RAB38: variants seen among roughly 807,000 people sequenced by gnomAD.
RAB38 encodes the protein ras-related protein Rab-38.
Under a neutral mutation model 18.4 loss-of-function variants are expected in RAB38, and 15 were observed. That is an observed-to-expected ratio of 0.82 (90% CI 0.55 to 1.26). The LOEUF is 1.26. RAB38 is among the 50% of genes most tolerant of loss of function. The probability of loss-of-function intolerance (pLI) is 0.00; values close to 1 mark genes in which losing one functional copy is unlikely to be tolerated. For synonymous variants in RAB38, 101 were observed against 104.4 expected (o/e 0.97, Z 0.20); for missense variants, 294 against 267.4 (o/e 1.10, Z -0.69).
At chr11:88,056,728 T>C in the RAB38 span, among the ~76,000 whole-genome samples, 1 of 151,882 alleles carries the variant, frequency 6.6e-6, no homozygotes, top group Non-Finnish European at 1.5e-5. Flanking sequence ...GGCGTGAACA[T>C]GGAAGGCGGA....
At chr11:87,912,811 A>G in the RAB38 span, among the ~76,000 whole-genome samples, 4 of 29,990 alleles carry the variant, frequency 1.3e-4, no homozygotes, top group African/African-American at 3.1e-4. Context: ...TTTTTCTTTT[A>G]TACTAAACAT....
the RAB38 span, among the ~76,000 whole-genome samples, chr11:87,898,391 C>A: frequency 6.6e-6 from 1 of 151,662 alleles, no homozygotes; most frequent in East Asian, 2.0e-4. Flanking sequence ...GAGCCACTTT[C>A]CATGAATCTT....
chr11:87,892,271 A>G, the RAB38 span, among the ~76,000 whole-genome samples: 1 of 151,778 alleles, frequency 6.6e-6, no homozygotes, highest in Non-Finnish European at 1.5e-5. Flanking sequence ...TTACTTTTCT[A>G]TTTCCTTGGT....
At chr11:88,146,074 T>C (rs1942981400) in intron 2 of RAB38, among the ~76,000 whole-genome samples, 1 of 152,222 alleles carries the variant, frequency 6.6e-6, no homozygotes, top group African/African-American at 2.4e-5. Flanking sequence ...TATTTAATTT[T>C]TATTTTTTCT....
chr11:88,007,851 T>C, the RAB38 span, among the ~76,000 whole-genome samples: 1 of 152,032 alleles, frequency 6.6e-6, no homozygotes, highest in African/African-American at 2.4e-5. Context: ...ATGTATCAAC[T>C]GGAAAAATAG....
chr11:87,953,359 T>C, the RAB38 span, among the ~76,000 whole-genome samples: 1 of 152,180 alleles, frequency 6.6e-6, no homozygotes, highest in Non-Finnish European at 1.5e-5. Flanking sequence ...TCTTTCCAGC[T>C]TTTTAGTCAT....
At chr11:88,029,942 C>T in the RAB38 span, among the ~76,000 whole-genome samples, 5 of 152,128 alleles carry the variant, frequency 3.3e-5, no homozygotes, top group Admixed American at 6.5e-5. Context: ...TTCAGCACCA[C>T]ACCACACCTA....
the RAB38 span, among the ~76,000 whole-genome samples, chr11:87,895,241 T>C: frequency 6.6e-6 from 1 of 151,344 alleles, no homozygotes; most frequent in African/African-American, 2.4e-5. Context: ...CATATCATTA[T>C]GTGAGTCAAA....
At chr11:88,090,893 C>T in the RAB38 span, among the ~76,000 whole-genome samples, 5 of 151,998 alleles carry the variant, frequency 3.3e-5, no homozygotes, top group Admixed American at 3.3e-4. Context: ...CAACATGACT[C>T]TGGCATCTCA....
chr11:88,086,254 A>G, the RAB38 span, among the ~76,000 whole-genome samples: 8 of 152,002 alleles, frequency 5.3e-5, no homozygotes, highest in South Asian at 1.7e-3. Flanking sequence ...GACAGTTTTG[A>G]TTTCTATGCC....
the RAB38 span, among the ~76,000 whole-genome samples, chr11:87,931,840 T>C: frequency 6.6e-6 from 1 of 151,774 alleles, no homozygotes; most frequent in East Asian, 1.9e-4. Flanking sequence ...ATGAGATGAA[T>C]GTGTGTTCTC....
At chr11:88,070,169 C>A in the RAB38 span, among the ~76,000 whole-genome samples, 1 of 152,322 alleles carries the variant, frequency 6.6e-6, no homozygotes, top group South Asian at 2.1e-4. Context: ...CCACGAAGGT[C>A]TGCAGCTTCA....
chr11:87,975,895 G>A, the RAB38 span, among the ~76,000 whole-genome samples: 3 of 151,058 alleles, frequency 2.0e-5, no homozygotes, highest in Non-Finnish European at 4.4e-5. Context: ...AATAACATAG[G>A]GTATCTCACT....
intron 2 of RAB38, among the ~76,000 whole-genome samples, chr11:88,119,792 C>A (rs191932062): frequency 6.6e-6 from 1 of 152,008 alleles, no homozygotes; most frequent in Admixed American, 6.6e-5. Context: ...CAACTGTACC[C>A]GAGACTCCAA....
At chr11:88,137,589 G>T (rs150620164) in intron 2 of RAB38, among the ~76,000 whole-genome samples, 182 of 152,160 alleles carry the variant, frequency 1.2e-3, no homozygotes, top group African/African-American at 4.0e-3. Context: ...CTTAGTTCAG[G>T]TTACACCAAA....
chr11:87,808,644 A>G, the RAB38 span, among the ~76,000 whole-genome samples: 48 of 152,164 alleles, frequency 3.2e-4, 1 homozygote, highest in Admixed American at 4.6e-4. Flanking sequence ...CACGGTGTCT[A>G]AGAGAGTAGA....
At chr11:87,886,350 GGA>G in the RAB38 span, among the ~76,000 whole-genome samples, 7 of 151,884 alleles carry the variant, frequency 4.6e-5, no homozygotes, top group South Asian at 1.0e-3. Context: ...CACATGTGCA[GGA>G]GAGAGAGAGA....
At chr11:87,861,992 CT>C in the RAB38 span, among the ~76,000 whole-genome samples, 2 of 151,760 alleles carry the variant, frequency 1.3e-5, no homozygotes, top group Non-Finnish European at 2.9e-5. Flanking sequence ...AGGATGGCTA[CT>C]ACTAAAAAGT....
chr11:88,006,429 T>C, the RAB38 span, among the ~76,000 whole-genome samples: 1 of 151,426 alleles, frequency 6.6e-6, no homozygotes, highest in East Asian at 1.9e-4. Flanking sequence ...CATTTGGGTA[T>C]ATATTCAAAG....
Sources: allele counts gnomAD v4.1 joint callset (sites outside exome capture counted in the v4.1 genomes callset), GRCh38; gene constraint gnomAD v4.1.1; transcripts MANE v1.5; gene names NCBI Gene and HGNC (gene_info 2026-07-23, HGNC 2026-07-21).